The following MAGI2 variants were observed in gnomAD, a reference collection of about 807,000 sequenced individuals.
The protein encoded by MAGI2 is membrane associated guanylate kinase, WW and PDZ domain containing 2.
MAGI2 carries 35 observed loss-of-function variants against 133.3 expected under a neutral mutation model. The ratio of observed to expected loss-of-function variants is 0.26; its 90% CI spans 0.20 to 0.35. The LOEUF is 0.35. Among genes scored for constraint, MAGI2 ranks in the 10% least tolerant of loss-of-function variants. The probability of loss-of-function intolerance (pLI) is 1.00; values close to 1 mark genes in which losing one functional copy is unlikely to be tolerated. For synonymous variants in MAGI2, 729 were observed against 710.6 expected, an observed-to-expected ratio of 1.03 and a Z score of -0.41; for missense variants, 1,636 against 1,863.4, an observed-to-expected ratio of 0.88 and a Z score of 2.25.
chr7:78,263,950 C>A (rs1793759175), intron 9 of MAGI2, among the ~76,000 whole-genome samples: 1 of 152,130 alleles, frequency 6.6e-6, no homozygotes, highest in Admixed American at 6.6e-5. Flanking sequence ...TTCTCCTTCT[C>A]TCCTTGCTTT....
chr7:79,373,255 T>G (rs536817013), intron 1 of MAGI2, among the ~76,000 whole-genome samples: 7 of 152,032 alleles, frequency 4.6e-5, no homozygotes, highest in Non-Finnish European at 1.0e-4. Flanking sequence ...TATTTTTACA[T>G]GTACATATTT....
In MAGI2 at chr7:78,367,718, C is replaced by T. The variant is rs529259152; in HGVS notation, c.1103+1438G>A. 2.9e-4 allele frequency among the ~76,000 whole-genome samples: 44 copies of T among 152,232 alleles called. No homozygotes were observed. The South Asian group carries it at 8.7e-3, about 30-fold the overall frequency. On this transcript the variant is annotated intron_variant, in intron 7 of 21. Coordinates refer to ENST00000354212, the MANE Select transcript of MAGI2 (RefSeq NM_012301.4). ...AGTTCTCTTTCCTTACATGGAATTT[C>T]CTTGAATATCGGATGTAGTAGGCTT...
intron 9 of MAGI2, among the ~76,000 whole-genome samples, chr7:78,288,134 G>T (rs1796335101): frequency 6.6e-6 from 1 of 152,092 alleles, no homozygotes. Context: ...AAGCAGAATA[G>T]AAAACATTTC....
chr7:78,039,885 T>G (rs1361827602), intron 21 of MAGI2, among the ~76,000 whole-genome samples: 1 of 152,204 alleles, frequency 6.6e-6, no homozygotes, highest in African/African-American at 2.4e-5. Flanking sequence ...GGCAATAGAC[T>G]TGCTTCATTC....
chr7:79,186,837 A>G (rs1414648146), intron 1 of MAGI2, among the ~76,000 whole-genome samples: 2 of 148,894 alleles, frequency 1.3e-5, no homozygotes, highest in Admixed American at 1.4e-4. Flanking sequence ...TAAAATGTCA[A>G]TTGAAACGAC....
chr7:79,108,997 A>T (rs143276861), intron 1 of MAGI2, among the ~76,000 whole-genome samples: 2 of 152,316 alleles, frequency 1.3e-5, no homozygotes, highest in African/African-American at 4.8e-5. Context: ...CTAGAAGCTG[A>T]GCAGATGCTA....
At chr7:78,794,739 T>A (rs1583916946) in intron 2 of MAGI2, among the ~76,000 whole-genome samples, 1 of 152,316 alleles carries the variant, frequency 6.6e-6, no homozygotes, top group East Asian at 1.9e-4. Flanking sequence ...TTGGAGTGTT[T>A]TATGGAATAA....
At chr7:79,069,997 T>C (rs1258130224) in intron 1 of MAGI2, among the ~76,000 whole-genome samples, 4 of 152,202 alleles carry the variant, frequency 2.6e-5, no homozygotes, top group Non-Finnish European at 5.9e-5. Context: ...TGGGCTTCTA[T>C]TTGTGGGTAA....
chr7:78,740,972 G>T (rs1026562038), intron 2 of MAGI2, among the ~76,000 whole-genome samples: 1 of 152,204 alleles, frequency 6.6e-6, no homozygotes, highest in Non-Finnish European at 1.5e-5. Context: ...TTACAAGGAA[G>T]TTAGACTACT....
At chr7:79,087,094 C>T (rs990244974) in intron 1 of MAGI2, among the ~76,000 whole-genome samples, 2 of 151,618 alleles carry the variant, frequency 1.3e-5, no homozygotes, top group African/African-American at 4.8e-5. Context: ...CTACCATTTC[C>T]CTTCATAAAT....
intron 2 of MAGI2, among the ~76,000 whole-genome samples, chr7:78,784,205 T>TTG (rs1246211876): frequency 4.0e-5 from 6 of 150,478 alleles, no homozygotes; most frequent in African/African-American, 1.5e-4. Context: ...TGTTTTAGGT[T>TTG]TTTTTTTTTT....
intron 3 of MAGI2, among the ~76,000 whole-genome samples, chr7:78,592,340 ATT>A (rs200747288): frequency 1.4e-5 from 2 of 147,378 alleles, no homozygotes; most frequent in African/African-American, 5.0e-5. Context: ...ATAGTAGACT[ATT>A]TTTTTTTTTT....
At chr7:78,243,293 A>G in intron 10 of MAGI2, among the ~76,000 whole-genome samples, 1 of 150,828 alleles carries the variant, frequency 6.6e-6, no homozygotes, top group East Asian at 1.9e-4. Context: ...TCTCTTATAA[A>G]ACAAATGGGG....
chr7:79,084,448 T>C (rs144113246), intron 1 of MAGI2, among the ~76,000 whole-genome samples: 34 of 151,912 alleles, frequency 2.2e-4, no homozygotes, highest in Admixed American at 5.3e-4. Context: ...CATTGCATAG[T>C]TGTAGATTTT....
At chr7:78,280,510 A>G (rs964439787) in intron 9 of MAGI2, among the ~76,000 whole-genome samples, 3 of 152,166 alleles carry the variant, frequency 2.0e-5, no homozygotes, top group Admixed American at 2.0e-4. Context: ...TAAGGAAGTG[A>G]AGGAGGAAAG....
intron 3 of MAGI2, among the ~76,000 whole-genome samples, chr7:78,556,854 T>C (rs1453591154): frequency 6.6e-6 from 1 of 151,850 alleles, no homozygotes; most frequent in Non-Finnish European, 1.5e-5. Context: ...TTTGGGAGGC[T>C]GAGGCGGGCA....
At chr7:78,849,910 C>T (rs1792982696) in intron 2 of MAGI2, among the ~76,000 whole-genome samples, 1 of 151,856 alleles carries the variant, frequency 6.6e-6, no homozygotes, top group Non-Finnish European at 1.5e-5. Flanking sequence ...TATAAAAATT[C>T]AGCACTAAAT....
intron 3 of MAGI2, among the ~76,000 whole-genome samples, chr7:78,524,713 T>A (rs16886179): frequency 0.058 from 8,900 of 152,236 alleles, 316 homozygotes; most frequent in Middle Eastern, 0.15. Flanking sequence ...GAACAGTTGC[T>A]CCCTGGTATC....
At chr7:79,235,673 A>G (rs905450669) in intron 1 of MAGI2, among the ~76,000 whole-genome samples, 3 of 152,114 alleles carry the variant, frequency 2.0e-5, no homozygotes, top group Non-Finnish European at 4.4e-5. Context: ...GCGCGCACCC[A>G]CTGACCTGCG....
Sources: gnomAD v4.1 joint callset for allele counts (sites outside exome capture counted in the v4.1 genomes callset) on GRCh38, gnomAD v4.1.1 for gene constraint, MANE v1.5 for transcripts, NCBI Gene and HGNC (gene_info 2026-07-23, HGNC 2026-07-21) for gene names.